The following PRKD1 variants were observed in gnomAD, a reference collection of about 807,000 sequenced individuals.
PRKD1 encodes protein kinase D1, also known as serine/threonine-protein kinase D1.
In PRKD1, 63 loss-of-function variants were observed where a neutral mutation model predicts 95.9. That is an observed-to-expected ratio of 0.66 (90% confidence interval 0.54 to 0.81). PRKD1 has a LOEUF of 0.81. Among genes scored for constraint, PRKD1 ranks in the 30% least tolerant of loss-of-function variants. The probability of loss-of-function intolerance (pLI) is 0.00; values close to 1 mark genes in which losing one functional copy is unlikely to be tolerated. For missense variants in PRKD1, 1,048 were observed against 1,165.3 expected, an observed-to-expected ratio of 0.90 and a Z score of 1.47; for synonymous variants, 425 against 423.1, an observed-to-expected ratio of 1.00 and a Z score of -0.05.
intron 4 of PRKD1, among the ~76,000 whole-genome samples, chr14:29,655,110 A>G (rs1881759661): frequency 6.6e-6 from 1 of 152,210 alleles, no homozygotes; most frequent in African/African-American, 2.4e-5. Context: ...GAAGTGAAAA[A>G]TGTTTCCTGT....
At chr14:29,578,543 T>TAAAAAAAAAAA (rs992449669) in intron 16 of PRKD1, among the ~76,000 whole-genome samples, 183 bp from the exon 17 acceptor site, 11 of 42,702 alleles carry the variant, frequency 2.6e-4, no homozygotes, top group African/African-American at 8.3e-4. Flanking sequence ...TTTTGGATAC[T>TAAAAAAAAAAA]AAAAAAAAAA....
intron 1 of PRKD1, among the ~76,000 whole-genome samples, chr14:29,764,671 A>G (rs1888177196): frequency 6.6e-6 from 1 of 152,146 alleles, no homozygotes; most frequent in Non-Finnish European, 1.5e-5. Context: ...AAGGCACATA[A>G]TACTATTTAT....
intron 1 of PRKD1, among the ~76,000 whole-genome samples, chr14:29,742,064 ATTTC>A: frequency 6.6e-6 from 1 of 152,208 alleles, no homozygotes; most frequent in Non-Finnish European, 1.5e-5. Context: ...GAAGTGGTGT[ATTTC>A]TTTCTTCTTT....
chr14:29,783,947 T>C (rs1220846246), intron 1 of PRKD1, among the ~76,000 whole-genome samples: 7 of 152,370 alleles, frequency 4.6e-5, no homozygotes, highest in Non-Finnish European at 7.3e-5. Flanking sequence ...CTACTCATTC[T>C]ATTGACTGTA....
chr14:29,707,219 G>A (rs549193602), intron 2 of PRKD1, among the ~76,000 whole-genome samples: 34 of 152,194 alleles, frequency 2.2e-4, no homozygotes, highest in African/African-American at 7.5e-4. Flanking sequence ...ATCCAATCCA[G>A]GCTTTAGAAG....
chr14:29,918,534 A>G (rs1894972703), intron 1 of PRKD1, among the ~76,000 whole-genome samples: 1 of 152,178 alleles, frequency 6.6e-6, no homozygotes, highest in Non-Finnish European at 1.5e-5. Flanking sequence ...CCGTAACACA[A>G]GTGGTGACCC....
At chr14:29,632,096 T>A (rs972217213) in intron 9 of PRKD1, among the ~76,000 whole-genome samples, 2 of 152,156 alleles carry the variant, frequency 1.3e-5, no homozygotes, top group African/African-American at 2.4e-5. Context: ...CCACTGCGCC[T>A]GGCCAATAGT....
intron 1 of PRKD1, among the ~76,000 whole-genome samples, chr14:29,829,609 C>T (rs1293329879): frequency 6.6e-6 from 1 of 152,036 alleles, no homozygotes; most frequent in Non-Finnish European, 1.5e-5. Flanking sequence ...TAATAAGAGA[C>T]CTTCTTTTAA....
At chr14:29,788,109 G>A (rs555230045) in intron 1 of PRKD1, among the ~76,000 whole-genome samples, 8 of 152,024 alleles carry the variant, frequency 5.3e-5, no homozygotes, top group Admixed American at 1.3e-4. Context: ...CTGGTCTAAC[G>A]GTGATGAATT....
At chr14:29,858,307 GT>G (rs1163843488) in intron 1 of PRKD1, among the ~76,000 whole-genome samples, 8 of 152,068 alleles carry the variant, frequency 5.3e-5, no homozygotes. Flanking sequence ...GTACAAACTG[GT>G]TTTTACACTA....
At chr14:29,584,902 C>G (rs1892865233) in intron 16 of PRKD1, among the ~76,000 whole-genome samples, 1 of 152,154 alleles carries the variant, frequency 6.6e-6, no homozygotes, top group Admixed American at 6.6e-5. Context: ...CAAGGCTGAT[C>G]TCTTTTGTCA....
At chr14:29,843,045 T>A (rs1339736655) in intron 1 of PRKD1, among the ~76,000 whole-genome samples, 1 of 152,164 alleles carries the variant, frequency 6.6e-6, no homozygotes, top group East Asian at 1.9e-4. Context: ...GAATTGTTTA[T>A]CCCCAAAATG....
At chr14:29,865,968 G>A (rs1416229116) in intron 1 of PRKD1, among the ~76,000 whole-genome samples, 2 of 152,120 alleles carry the variant, frequency 1.3e-5, no homozygotes, top group East Asian at 3.8e-4. Context: ...TTTTAACCTA[G>A]AAAGATTGTC....
At chr14:29,900,855 C>T (rs996640428) in intron 1 of PRKD1, among the ~76,000 whole-genome samples, 1 of 152,108 alleles carries the variant, frequency 6.6e-6, no homozygotes, top group Non-Finnish European at 1.5e-5. Context: ...CCTGGTGAGG[C>T]TGTGGAGAAA....
intron 2 of PRKD1, among the ~76,000 whole-genome samples, chr14:29,691,281 C>G (rs1047684161): frequency 9.9e-5 from 15 of 152,124 alleles, no homozygotes; most frequent in African/African-American, 2.9e-4. Context: ...TCTATACAGC[C>G]CACTCGTGAT....
chr14:29,826,267 CAT>C (rs60769113), intron 1 of PRKD1, among the ~76,000 whole-genome samples: 1,102 of 5,722 alleles, frequency 0.19, 78 homozygotes, highest in Middle Eastern at 0.5. Context: ...TATATATATA[CAT>C]ATATATGATG....
At chr14:29,856,195 A>G (rs1019326329) in intron 1 of PRKD1, among the ~76,000 whole-genome samples, 5 of 152,180 alleles carry the variant, frequency 3.3e-5, no homozygotes, top group Non-Finnish European at 7.3e-5. Context: ...AAAAATAGGT[A>G]CCAGCCTATG....
chr14:29,612,106 A>G (rs1878510609), intron 13 of PRKD1, among the ~76,000 whole-genome samples: 2 of 152,324 alleles, frequency 1.3e-5, no homozygotes, highest in Middle Eastern at 6.8e-3. Context: ...ATGGTAACTA[A>G]AGTGAGCATG....
chr14:29,877,468 G>A (rs1489718039), intron 1 of PRKD1, among the ~76,000 whole-genome samples: 2 of 152,098 alleles, frequency 1.3e-5, no homozygotes, highest in African/African-American at 4.8e-5. Context: ...AGTTTATTTT[G>A]CTGTGCAGAA....
Sources: gnomAD v4.1 joint callset for allele counts (sites outside exome capture counted in the v4.1 genomes callset) on GRCh38, gnomAD v4.1.1 for gene constraint, MANE v1.5 for transcripts, NCBI Gene and HGNC (gene_info 2026-07-23, HGNC 2026-07-21) for gene names.